Variants in RALGAPA2 observed in about 807,000 individuals in gnomAD.
RALGAPA2 encodes the protein ral GTPase-activating protein subunit alpha-2.
A neutral mutation model predicts 230.4 loss-of-function variants in RALGAPA2; 139 were observed. That is an observed-to-expected ratio of 0.60 (90% CI 0.53 to 0.69). The LOEUF is 0.69. Ranked by LOEUF, RALGAPA2 falls within the 30% of genes least tolerant of loss-of-function variation. The pLI is 0.00. For missense variants in RALGAPA2, 2,163 were observed against 2,276.0 expected (o/e 0.95, Z 1.01); for synonymous variants, 847 against 837.8 (o/e 1.01, Z -0.19).
intron 3 of RALGAPA2, among the ~76,000 whole-genome samples, chr20:20,669,843 T>G (rs1343072310): frequency 2.6e-5 from 4 of 152,192 alleles, no homozygotes; most frequent in Non-Finnish European, 5.9e-5. Flanking sequence ...AAAACGAATC[T>G]CAGGTACCAT....
rs115296285 is a variant in RALGAPA2 at position 20,435,509 on chromosome 20, A to G, written c.5496-23361T>C. Among the ~76,000 whole-genome samples, 878 of 152,356 alleles carry G rather than the reference A, an allele frequency of 5.8e-3. 7 individuals are homozygous for G. Among genetic ancestry groups the G allele is most frequent in the African/African-American group, 0.02 (834 of 41,572 alleles). ...AGGACAGTAAAGAATGAACTCTTGA[A>G]TAAAGTGTACGGAATCATATTATAT... On this transcript the variant is annotated intron_variant, in intron 37 of 39. Coordinates refer to ENST00000202677, the MANE Select transcript of RALGAPA2 (RefSeq NM_020343.4).
intron 9 of RALGAPA2, among the ~76,000 whole-genome samples, chr20:20,629,862 A>G (rs571939595): frequency 5.3e-5 from 8 of 152,380 alleles, no homozygotes; most frequent in Admixed American, 3.3e-4. Flanking sequence ...TCCCAATCTA[A>G]AAGGTTTAAT....
intron 28 of RALGAPA2, among the ~76,000 whole-genome samples, chr20:20,525,990 C>T (rs2063190014): frequency 6.6e-6 from 1 of 152,158 alleles, no homozygotes; most frequent in African/African-American, 2.4e-5. Flanking sequence ...GCCCAATCTA[C>T]AAAAGGTCTC....
chr20:20,603,614 G>A (rs1310323631), intron 15 of RALGAPA2, among the ~76,000 whole-genome samples: 2 of 152,116 alleles, frequency 1.3e-5, no homozygotes, highest in Admixed American at 1.3e-4. Context: ...GCTGAAACAC[G>A]TGGCCCAGTC....
intron 28 of RALGAPA2, among the ~76,000 whole-genome samples, chr20:20,525,389 G>A (rs1394916601): frequency 6.6e-6 from 1 of 152,072 alleles, no homozygotes; most frequent in East Asian, 1.9e-4. Flanking sequence ...AGCACTTTAT[G>A]TTCCCATGTC....
chr20:20,425,774 A>T (rs988641114), intron 37 of RALGAPA2, among the ~76,000 whole-genome samples: 1 of 152,252 alleles, frequency 6.6e-6, no homozygotes, highest in Non-Finnish European at 1.5e-5. Flanking sequence ...AGCAAAAAAA[A>T]TAATGCCACA....
At chr20:20,511,750 C>A (rs1013037017) in intron 32 of RALGAPA2, among the ~76,000 whole-genome samples, 1 of 152,214 alleles carries the variant, frequency 6.6e-6, no homozygotes, top group Non-Finnish European at 1.5e-5. Context: ...TACTCATGAA[C>A]TCCTGTGTCA....
chr20:20,671,231 T>C (rs1174718460), intron 3 of RALGAPA2, among the ~76,000 whole-genome samples: 1 of 152,228 alleles, frequency 6.6e-6, no homozygotes, highest in African/African-American at 2.4e-5. Flanking sequence ...TTTCCAAGGT[T>C]CCCTTTCAGT....
chr20:20,648,912 A>C (rs1443560787), intron 4 of RALGAPA2, among the ~76,000 whole-genome samples: 1 of 152,184 alleles, frequency 6.6e-6, no homozygotes, highest in African/African-American at 2.4e-5. Context: ...AGCTTCAGAC[A>C]AAAGTCAGGT....
intron 1 of RALGAPA2, among the ~76,000 whole-genome samples, chr20:20,694,727 C>T (rs762428929): frequency 1.3e-5 from 2 of 152,094 alleles, no homozygotes; most frequent in Non-Finnish European, 2.9e-5. Context: ...AGTGTTAGAC[C>T]ATGCAGATGA....
intron 24 of RALGAPA2, among the ~76,000 whole-genome samples, chr20:20,536,990 G>A (rs985314156): frequency 1.3e-5 from 2 of 152,196 alleles, no homozygotes; most frequent in African/African-American, 2.4e-5. Context: ...GTACTTGGAT[G>A]TAAACAAGTG....
At chr20:20,612,205 A>G (rs1379144256) in intron 13 of RALGAPA2, among the ~76,000 whole-genome samples, 1 of 152,232 alleles carries the variant, frequency 6.6e-6, no homozygotes, top group Admixed American at 6.5e-5. Flanking sequence ...TATATTGCTC[A>G]TATCAGAGTA....
In RALGAPA2 at chr20:20,712,599, C is replaced by G; in HGVS notation, c.-119G>C. On this transcript the variant is annotated 5_prime_UTR_variant, in exon 1 of 40. Coordinates refer to ENST00000202677, the MANE Select transcript of RALGAPA2 (RefSeq NM_020343.4). This position sits in a 1 kb window ranked among gnomAD's most constrained non-coding sequence, Gnocchi z 5.5. ...GGGCCACTCGCCGCCCCCAGCCCCG[C>G]TGCTGCCGCCGCCGCCGCCGCCGCC... 8.1e-7 allele frequency: 1 copy of G among 1,229,152 alleles called. No individual in the cohort carries two copies. The highest frequency in any genetic ancestry group is 1.0e-6 in the Non-Finnish European group (1 of 983,138). The allele number at this position is 1,229,152 out of a possible 1,614,324, so 76.1% of individuals were successfully genotyped here. A position where few individuals can be genotyped will look rare whatever the true frequency, so the allele number is the denominator to read the frequency against.
At chr20:20,653,636 T>C in intron 3 of RALGAPA2, 49 bp from the exon 4 acceptor site, 1 of 1,125,190 alleles carries the variant, frequency 8.9e-7, no homozygotes, top group Non-Finnish European at 1.3e-6. Context: ...AAATTACACA[T>C]TTTCATGACA....
intron 3 of RALGAPA2, among the ~76,000 whole-genome samples, chr20:20,659,158 G>A (rs1165931145): frequency 2.0e-5 from 3 of 152,154 alleles, no homozygotes; most frequent in South Asian, 2.1e-4. Flanking sequence ...ATGAGAACTG[G>A]ACTGTTCGGT....
At chr20:20,467,794 T>C (rs1400929331) in intron 37 of RALGAPA2, among the ~76,000 whole-genome samples, 1 of 152,190 alleles carries the variant, frequency 6.6e-6, no homozygotes, top group East Asian at 1.9e-4. Flanking sequence ...GAACGCAACC[T>C]TGTGCAGCTA....
intron 23 of RALGAPA2, among the ~76,000 whole-genome samples, chr20:20,554,377 T>C (rs2064018700): frequency 6.6e-6 from 1 of 152,240 alleles, no homozygotes. Context: ...TAATATTCCA[T>C]TGTATTGATA....
Position 20,421,676 on chromosome 20 carries a change from TAAACAAAC to T in RALGAPA2, c.5496-9536_5496-9529del, listed in dbSNP as rs150566958. Among the ~76,000 whole-genome samples the T allele has an allele frequency of 6.7e-3, 1,019 of 151,906 alleles. 5 individuals carry two copies. The highest frequency in any genetic ancestry group is 9.0e-3 in the Non-Finnish European group (611 of 67,938). On this transcript the variant is annotated intron_variant, in intron 37 of 39. Transcript: ENST00000202677. ...CAAGAGCGAAACTCTGTCTCAAAAATAAACAAACAAACAAACAAACAAACAAAGTGCAG... is the reference window on the plus strand; with the variant it reads ...CAAGAGCGAAACTCTGTCTCAAAAATAAACAAACAAACAAACAAAGTGCAG...
chr20:20,482,194 T>C (rs1182608130), intron 36 of RALGAPA2, among the ~76,000 whole-genome samples: 2 of 152,232 alleles, frequency 1.3e-5, no homozygotes, highest in Non-Finnish European at 2.9e-5. Flanking sequence ...AGAGATTTCA[T>C]GTACCATCTG....
Sources: gnomAD v4.1 joint callset for allele counts (sites outside exome capture counted in the v4.1 genomes callset) on GRCh38, gnomAD v4.1.1 for gene constraint, Gnocchi (gnomAD v3.1) non-coding constraint, MANE v1.5 for transcripts, NCBI Gene and HGNC (gene_info 2026-07-23, HGNC 2026-07-21) for gene names.